The following AGBL4 variants were observed in gnomAD, a reference collection of about 807,000 sequenced individuals.
The protein encoded by AGBL4 is AGBL carboxypeptidase 4.
A neutral mutation model predicts 66.4 loss-of-function variants in AGBL4; 58 were observed. That is an observed-to-expected ratio of 0.87 (90% CI 0.71 to 1.09). The LOEUF is 1.09. AGBL4 is among the 50% of genes least tolerant of loss of function. The pLI, the probability that AGBL4 is intolerant of heterozygous loss-of-function variation, is 0.00. For missense variants in AGBL4, 579 were observed against 631.0 expected (o/e 0.92, Z 0.88); for synonymous variants, 234 against 222.9 (o/e 1.05, Z -0.44).
intron 6 of AGBL4, among the ~76,000 whole-genome samples, chr1:48,834,464 G>C (rs1431698219): frequency 6.6e-6 from 1 of 152,146 alleles, no homozygotes; most frequent in Non-Finnish European, 1.5e-5. Context: ...CAATATGATA[G>C]TATGTGGAGG....
rs114236178 is a variant in AGBL4, at chr1:49,252,471, A to G, written c.283-6607T>C. On this transcript the variant is annotated intron_variant, in intron 3 of 13. Transcript: ENST00000371839. ...GAAAAAGATAGGGAGAATGGAACCA[A>G]CTTGGATAAATTATTTTAGGATATC... 5.2e-3 allele frequency among the ~76,000 whole-genome samples: 792 copies of G among 152,358 alleles called. 3 individuals carry two copies. Among genetic ancestry groups the G allele is most frequent in the Middle Eastern group, 0.017 (5 of 292 alleles).
Position 49,456,885 on chromosome 1 carries a change from G to T in AGBL4, c.283-211021C>A, listed in dbSNP as rs551959794. ...AATAGTCTCCAATTCCATCTGGTTT[G>T]CTGTGAATACCACTATTTTGTTTCT... On this transcript the variant is annotated intron_variant, in intron 3 of 13. Transcript: ENST00000371839. 4.7e-4 allele frequency among the ~76,000 whole-genome samples: 71 copies of T among 151,758 alleles called. 1 individual carries two copies. The highest frequency in any genetic ancestry group is 1.2e-3 in the African/African-American group (50 of 41,478).
chr1:49,937,681 G>A (rs990845419), intron 1 of AGBL4, among the ~76,000 whole-genome samples: 2 of 152,142 alleles, frequency 1.3e-5, no homozygotes, highest in Admixed American at 6.5e-5. Context: ...GCAGGATTAA[G>A]AATCTCATTC....
intron 1 of AGBL4, among the ~76,000 whole-genome samples, chr1:49,924,423 AC>A (rs1652563463): frequency 6.6e-6 from 1 of 152,124 alleles, no homozygotes; most frequent in Admixed American, 6.6e-5. Flanking sequence ...CTGCACACAT[AC>A]CCCTGAACTT....
At position 49,071,620 on chromosome 1, in the gene AGBL4, G is replaced by T. The variant is rs558157020; in HGVS notation, c.378-25820C>A. On this transcript the variant is annotated intron_variant, in intron 4 of 13. Transcript: ENST00000371839. ...TGTGGTCTGAGAGACAGTTTGTTGTGATTTCTGTTCTTTTACATTTGCTGA... is the reference window on the plus strand; with the variant it reads ...TGTGGTCTGAGAGACAGTTTGTTGTTATTTCTGTTCTTTTACATTTGCTGA... Among the ~76,000 whole-genome samples, 9 of 151,978 alleles carry T rather than the reference G, an allele frequency of 5.9e-5. 1 individual carries two copies. Among genetic ancestry groups the T allele is most frequent in the African/African-American group, 2.2e-4 (9 of 41,312 alleles).
At chr1:49,405,264 C>A (rs559180690) in intron 3 of AGBL4, among the ~76,000 whole-genome samples, 2 of 152,082 alleles carry the variant, frequency 1.3e-5, no homozygotes, top group Non-Finnish European at 2.9e-5. Flanking sequence ...CCGTTCTCAC[C>A]GGCTCTCCAT....
intron 3 of AGBL4, among the ~76,000 whole-genome samples, chr1:49,434,705 GTGC>G (rs1457545842): frequency 1.4e-4 from 21 of 150,766 alleles, no homozygotes; most frequent in Admixed American, 1.3e-3. Flanking sequence ...GGTGGTGGTG[GTGC>G]TGGTGGTGGT....
chr1:49,627,488 A>G (rs995937047), intron 3 of AGBL4, among the ~76,000 whole-genome samples: 2 of 151,988 alleles, frequency 1.3e-5, no homozygotes, highest in African/African-American at 4.8e-5. Context: ...TTCCCCTTTC[A>G]GGCTCCTGAT....
At chr1:49,485,833 AG>A in intron 3 of AGBL4, among the ~76,000 whole-genome samples, 1 of 151,994 alleles carries the variant, frequency 6.6e-6, no homozygotes, top group African/African-American at 2.4e-5. Flanking sequence ...AGGGTAGTGG[AG>A]GGTTGCAGGG....
At chr1:49,757,453 A>G (rs1198207283) in intron 2 of AGBL4, among the ~76,000 whole-genome samples, 1 of 152,216 alleles carries the variant, frequency 6.6e-6, no homozygotes, top group Non-Finnish European at 1.5e-5. Context: ...AGAAGACAGA[A>G]AAGCGTGGGA....
intron 4 of AGBL4, among the ~76,000 whole-genome samples, chr1:49,052,916 T>C (rs1227941564): frequency 1.3e-5 from 2 of 152,206 alleles, no homozygotes; most frequent in Admixed American, 6.5e-5. Context: ...GTAGAACTAA[T>C]GTGGGTTTAG....
intron 2 of AGBL4, among the ~76,000 whole-genome samples, chr1:49,743,055 T>C (rs1422186864): frequency 6.6e-6 from 1 of 151,954 alleles, no homozygotes; most frequent in Non-Finnish European, 1.5e-5. Flanking sequence ...ACAAATGGGA[T>C]CTAATTAAAC....
At chr1:48,721,954 A>G (rs1309098119) in intron 6 of AGBL4, among the ~76,000 whole-genome samples, 3 of 152,212 alleles carry the variant, frequency 2.0e-5, no homozygotes, top group African/African-American at 7.2e-5. Context: ...CAAAACAGAA[A>G]CCAAGAGGCT....
At chr1:49,518,836 G>A (rs1168579643) in intron 3 of AGBL4, among the ~76,000 whole-genome samples, 1 of 152,014 alleles carries the variant, frequency 6.6e-6, no homozygotes, top group African/African-American at 2.4e-5. Context: ...GTAACTAAAA[G>A]CAGGCCAATA....
chr1:49,641,342 T>TA, intron 3 of AGBL4, among the ~76,000 whole-genome samples: 1 of 152,184 alleles, frequency 6.6e-6, no homozygotes, highest in Middle Eastern at 3.4e-3. Context: ...TCACCATGTA[T>TA]CAATATAGCT....
chr1:49,994,958 G>C (rs1286550101), intron 1 of AGBL4: 2 of 362,132 alleles, frequency 5.5e-6, no homozygotes, highest in African/African-American at 4.3e-5. Context: ...TATAGGAATA[G>C]AGGAAGCAGA....
intron 11 of AGBL4, among the ~76,000 whole-genome samples, chr1:48,563,170 T>A (rs11205507): frequency 6.6e-6 from 1 of 152,226 alleles, no homozygotes; most frequent in African/African-American, 2.4e-5. Flanking sequence ...TTCGGCTTTC[T>A]GGAGGAAGGA....
intron 4 of AGBL4, among the ~76,000 whole-genome samples, chr1:49,134,012 C>A (rs1161937043): frequency 6.6e-6 from 1 of 151,842 alleles, no homozygotes; most frequent in Non-Finnish European, 1.5e-5. Flanking sequence ...GTCAGCCATT[C>A]TAAGAAATTA....
intron 1 of AGBL4, among the ~76,000 whole-genome samples, chr1:49,951,622 T>C (rs1656162439): frequency 6.6e-6 from 1 of 151,952 alleles, no homozygotes; most frequent in African/African-American, 2.4e-5. Flanking sequence ...CCTCCCTGAA[T>C]ATTCACATAG....
Sources: allele counts gnomAD v4.1 joint callset (sites outside exome capture counted in the v4.1 genomes callset), GRCh38; gene constraint gnomAD v4.1.1; transcripts MANE v1.5; gene names NCBI Gene and HGNC (gene_info 2026-07-23, HGNC 2026-07-21).